ATIC: variants seen among roughly 807,000 people sequenced by gnomAD.
The protein encoded by ATIC is bifunctional purine biosynthesis protein ATIC.
A neutral mutation model predicts 72.5 loss-of-function variants in ATIC; 64 were observed. The observed-to-expected ratio is 0.88, with a 90% CI of 0.72 to 1.09. ATIC has a LOEUF of 1.09. Among genes scored for constraint, ATIC ranks in the 50% least tolerant of loss-of-function variants. The pLI, the probability that ATIC is intolerant of heterozygous loss-of-function variation, is 0.00. For synonymous variants in ATIC, 281 were observed against 267.1 expected (o/e 1.05, Z -0.51); for missense variants, 787 against 732.4 (o/e 1.07, Z -0.86).
At chr2:215,367,977 T>G in the ATIC span, 13 of 1,614,170 alleles carry the variant, frequency 8.1e-6, no homozygotes, top group African/African-American at 1.3e-5. Context: ...TGGGAAACTG[T>G]GTAGGGGTCA....
intron 13 of ATIC, chr2:215,345,536 G>A (rs1383651193): frequency 6.4e-6 from 1 of 155,726 alleles, no homozygotes; most frequent in Non-Finnish European, 1.4e-5. Context: ...ACAAGATGGA[G>A]CTGGTTCATC....
downstream of ATIC, among the ~76,000 whole-genome samples, chr2:215,354,258 G>A (rs958702646): frequency 2.6e-5 from 4 of 151,970 alleles, no homozygotes; most frequent in African/African-American, 7.3e-5. Flanking sequence ...TTGAACTCCT[G>A]GCCTCAGGTG....
At chr2:215,313,778 T>G (rs1250540205) in intron 2 of ATIC, among the ~76,000 whole-genome samples, 2 of 152,170 alleles carry the variant, frequency 1.3e-5, no homozygotes, top group Non-Finnish European at 2.9e-5. Flanking sequence ...TATTAACAAA[T>G]ACATAACTGT....
intron 4 of ATIC, among the ~76,000 whole-genome samples, chr2:215,320,945 A>G (rs1313277441): frequency 6.6e-6 from 1 of 152,116 alleles, no homozygotes; most frequent in Non-Finnish European, 1.5e-5. Context: ...TGGGGAGGGC[A>G]CCAAGCCATT....
the ATIC span, among the ~76,000 whole-genome samples, chr2:215,367,344 G>GT: frequency 6.6e-6 from 1 of 152,152 alleles, no homozygotes; most frequent in African/African-American, 2.4e-5. Flanking sequence ...CAGATTATCT[G>GT]TTTTTTCTTT....
the ATIC span, among the ~76,000 whole-genome samples, chr2:215,355,631 A>G: frequency 6.6e-6 from 1 of 152,342 alleles, no homozygotes; most frequent in East Asian, 1.9e-4. Flanking sequence ...ATTTTTGCCA[A>G]ACACTGTGCC....
chr2:215,365,708 T>A, the ATIC span: 1 of 1,382,076 alleles, frequency 7.2e-7, no homozygotes, highest in East Asian at 2.3e-5. Context: ...AACTGGGACG[T>A]GTCACAGGGT....
At chr2:215,343,946 G>A (rs1045276518) in intron 12 of ATIC, among the ~76,000 whole-genome samples, 9 of 152,146 alleles carry the variant, frequency 5.9e-5, no homozygotes, top group African/African-American at 1.9e-4. Context: ...TATTTGGACT[G>A]GTAATTCCTA....
chr2:215,313,810 C>G (rs573154627), intron 2 of ATIC, among the ~76,000 whole-genome samples: 1 of 152,190 alleles, frequency 6.6e-6, no homozygotes, highest in Non-Finnish European at 1.5e-5. Context: ...TGTCTTTTTG[C>G]GTCTTGTCTC....
At chr2:215,324,266 G>A (rs1399077679) in intron 4 of ATIC, among the ~76,000 whole-genome samples, 1 of 152,102 alleles carries the variant, frequency 6.6e-6, no homozygotes, top group African/African-American at 2.4e-5. Flanking sequence ...TGTTAGCTGT[G>A]GGTTTTTCTT....
At chr2:215,345,795 G>T (rs1240280243) in intron 13 of ATIC, among the ~76,000 whole-genome samples, 1 of 152,200 alleles carries the variant, frequency 6.6e-6, no homozygotes, top group African/African-American at 2.4e-5. Flanking sequence ...TGAGGAGGAG[G>T]CGGCTGCCCA....
At chr2:215,335,271 C>T (rs1181976993) in intron 10 of ATIC, among the ~76,000 whole-genome samples, 3 of 151,974 alleles carry the variant, frequency 2.0e-5, no homozygotes, top group African/African-American at 7.2e-5. Flanking sequence ...TGTCTTCATG[C>T]CAAAGTTACT....
the ATIC span, among the ~76,000 whole-genome samples, chr2:215,355,376 A>G: frequency 6.6e-6 from 1 of 152,146 alleles, no homozygotes; most frequent in East Asian, 1.9e-4. Context: ...AGGACAGAAG[A>G]TCCATAATGT....
intron 9 of ATIC, among the ~76,000 whole-genome samples, chr2:215,334,189 CTTT>C (rs551274501): frequency 3.0e-5 from 3 of 101,002 alleles, no homozygotes; most frequent in Non-Finnish European, 5.8e-5. Flanking sequence ...AAAAGCTATT[CTTT>C]TTTTTTTTTT....
At chr2:215,338,631 G>A (rs893439241) in intron 11 of ATIC, 148 bp from the exon 12 acceptor site, 8 of 768,004 alleles carry the variant, frequency 1.0e-5, no homozygotes, top group Non-Finnish European at 1.6e-5. Context: ...CATTTGTTGT[G>A]TGAGAAAAAT....
chr2:215,335,183 TGTA>T (rs2052941619), intron 10 of ATIC, among the ~76,000 whole-genome samples, 179 bp downstream of exon 10: 2 of 152,214 alleles, frequency 1.3e-5, no homozygotes, highest in African/African-American at 4.8e-5. Flanking sequence ...AATTTTGAAA[TGTA>T]GTGAATTATT....
intron 12 of ATIC, among the ~76,000 whole-genome samples, chr2:215,342,580 CCT>C (rs1354114703): frequency 6.6e-6 from 1 of 152,310 alleles, no homozygotes; most frequent in South Asian, 2.1e-4. Context: ...TGGCTTCCAC[CCT>C]CTCCTTACCC....
chr2:215,323,271 G>A (rs1414022024), intron 4 of ATIC, among the ~76,000 whole-genome samples: 1 of 152,100 alleles, frequency 6.6e-6, no homozygotes, highest in African/African-American at 2.4e-5. Flanking sequence ...TATTCAAGAT[G>A]ACTTTGACTC....
At chr2:215,320,848 C>CTGGGATTAGGTGTGAG (rs1176230563) in intron 4 of ATIC, among the ~76,000 whole-genome samples, 1 of 152,166 alleles carries the variant, frequency 6.6e-6, no homozygotes, top group African/African-American at 2.4e-5. Flanking sequence ...TCCCAAAGTG[C>CTGGGATTAGGTGTGAG]TGGGATTAGG....
Sources: gnomAD v4.1 joint callset for allele counts (sites outside exome capture counted in the v4.1 genomes callset) on GRCh38, gnomAD v4.1.1 for gene constraint, MANE v1.5 for transcripts, NCBI Gene and HGNC (gene_info 2026-07-23, HGNC 2026-07-21) for gene names.